Variants in CNN2 observed in about 807,000 individuals in gnomAD.
The protein encoded by CNN2 is calponin 2.
CNN2 carries 21 observed loss-of-function variants against 31.0 expected under a neutral mutation model. The observed-to-expected ratio is 0.68, with a 90% CI of 0.48 to 0.98. The LOEUF is 0.98. CNN2 is among the 50% of genes least tolerant of loss of function. The pLI, the probability that CNN2 is intolerant of heterozygous loss-of-function variation, is 0.00. For missense variants in CNN2, 399 were observed against 427.3 expected (o/e 0.93, Z 0.58); for synonymous variants, 165 against 179.6 (o/e 0.92, Z 0.65).
At chr19:1,032,785 T>G in intron 4 of CNN2, 89 bp downstream of exon 4, 1 of 1,013,056 alleles carries the variant, frequency 9.9e-7, no homozygotes, top group Non-Finnish European at 1.5e-6. Flanking sequence ...AAATTTCTGT[T>G]TGTTTATTTT....
intron 1 of CNN2, among the ~76,000 whole-genome samples, chr19:1,027,467 C>T (rs1034304705): frequency 2.6e-5 from 4 of 152,180 alleles, no homozygotes; most frequent in African/African-American, 7.2e-5. Context: ...TTGAGCCCAG[C>T]GAGTTCGAGA....
intron 1 of CNN2, among the ~76,000 whole-genome samples, chr19:1,029,801 G>C (rs112897882): frequency 7.9e-5 from 12 of 151,670 alleles, no homozygotes; most frequent in Non-Finnish European, 1.6e-4. Flanking sequence ...CTGGGTTCAA[G>C]CGATTCTCCT....
chr19:1,032,848 A>C (rs2039521798), intron 4 of CNN2, 152 bp downstream of exon 4: 2 of 620,990 alleles, frequency 3.2e-6, no homozygotes, highest in Non-Finnish European at 5.7e-6. Context: ...GCGTGATCTC[A>C]GCTCACTGCA....
At chr19:1,032,726 C>A in intron 4 of CNN2, 30 bp downstream of exon 4, 1 of 1,543,540 alleles carries the variant, frequency 6.5e-7, no homozygotes, top group East Asian at 2.3e-5. Context: ...AGCCACCTGC[C>A]CAGAGTCACA....
chr19:1,037,163 C>T (rs1049820940), intron 6 of CNN2: 2 of 189,416 alleles, frequency 1.1e-5, no homozygotes, highest in Admixed American at 1.1e-4. Flanking sequence ...CGGCCACACC[C>T]AGCTAATTTT....
chr19:1,037,538 C>T (rs770664200), intron 6 of CNN2, 87 bp from the exon 7 acceptor site: 431 of 1,523,950 alleles, frequency 2.8e-4, no homozygotes, highest in Non-Finnish European at 3.4e-4. Flanking sequence ...TCCCAAAGTG[C>T]TGGGATTACA....
At chr19:1,030,119 A>G (rs955782499) in intron 1 of CNN2, among the ~76,000 whole-genome samples, 4 of 152,222 alleles carry the variant, frequency 2.6e-5, no homozygotes, top group South Asian at 2.1e-4. Context: ...CGCGGTCACT[A>G]GTGGCTGGAT....
chr19:1,027,727 C>T (rs951500300), intron 1 of CNN2, among the ~76,000 whole-genome samples: 4 of 152,038 alleles, frequency 2.6e-5, no homozygotes, highest in Non-Finnish European at 5.9e-5. Flanking sequence ...GTGTCGTCCC[C>T]GCCCACCCCC....
intron 4 of CNN2, among the ~76,000 whole-genome samples, chr19:1,035,687 T>C (rs544146428): frequency 6.6e-6 from 1 of 151,948 alleles, no homozygotes; most frequent in Non-Finnish European, 1.5e-5. Context: ...CTTTTGGAGG[T>C]TGAGGCGGGT....
At chr19:1,035,901 G>T (rs1250808367) in intron 4 of CNN2, among the ~76,000 whole-genome samples, 1 of 152,066 alleles carries the variant, frequency 6.6e-6, no homozygotes, top group African/African-American at 2.4e-5. Context: ...CAGCCTGGGT[G>T]ACAGAGCCAG....
intron 6 of CNN2, 160 bp downstream of exon 6, chr19:1,036,722 T>A: frequency 1.2e-6 from 1 of 844,366 alleles, no homozygotes; most frequent in Non-Finnish European, 1.9e-6. Flanking sequence ...TGTCTCCGCC[T>A]TGGATTTCAG....
At chr19:1,032,734 A>T in intron 4 of CNN2, 38 bp downstream of exon 4, 2 of 1,510,702 alleles carry the variant, frequency 1.3e-6, no homozygotes, top group Non-Finnish European at 1.8e-6. Context: ...GCCCAGAGTC[A>T]CACAGCGAGG....
rs745916895 is a variant in CNN2, at chr19:1,036,367, C to T, written c.508-49C>T. The stretch of plus-strand genomic sequence containing the variant: ...TGGTCCCTCAATTTCAGGGAGGGAC[C>T]GGAAGCTTGTTGGGTGCAGTCTGAC... On this transcript the variant is annotated intron_variant, in intron 5 of 6. Transcript: ENST00000263097. The T allele has an allele frequency of 4.8e-5, 76 of 1,598,794 alleles. No individual in the cohort carries two copies. The African/African-American group carries it at 6.0e-4, about 13-fold the overall frequency.
At chr19:1,032,165 G>A (rs1228243659) in intron 2 of CNN2, among the ~76,000 whole-genome samples, 1 of 151,724 alleles carries the variant, frequency 6.6e-6, no homozygotes, top group African/African-American at 2.4e-5. Flanking sequence ...AACCCGGGAG[G>A]TGGAGGTGGC....
At chr19:1,035,185 AGC>A (rs2039560402) in intron 4 of CNN2, among the ~76,000 whole-genome samples, 1 of 95,498 alleles carries the variant, frequency 1.0e-5, no homozygotes, top group African/African-American at 3.9e-5. Flanking sequence ...GTAGACGGGG[AGC>A]GTGGGTGGGA....
intron 4 of CNN2, among the ~76,000 whole-genome samples, chr19:1,035,458 A>C (rs142326873): frequency 0.012 from 1,768 of 152,242 alleles, 26 homozygotes; most frequent in Middle Eastern, 0.037. Flanking sequence ...GGGCGCAGAC[A>C]TCCCAGTGAG....
intron 1 of CNN2, among the ~76,000 whole-genome samples, chr19:1,030,238 G>A (rs973330468): frequency 6.6e-6 from 1 of 152,198 alleles, no homozygotes; most frequent in Non-Finnish European, 1.5e-5. Flanking sequence ...TGGAATGGCC[G>A]GGTGCAGAAA....
intron 1 of CNN2, chr19:1,030,817 T>C (rs768900244): frequency 5.0e-5 from 18 of 362,508 alleles, no homozygotes; most frequent in Admixed American, 4.4e-5. Flanking sequence ...TTAGAGCTGA[T>C]GTTTATCAGT....
In CNN2 at chr19:1,036,508, C is replaced by G; in HGVS notation, c.600C>G (p.Pro200=). Residue 200 remains proline, a synonymous_variant, in exon 6 of 7, where the codon CCC becomes CCG. Transcript: ENST00000263097. The part of the protein sequence containing the change: ...LYDPKNHILP[P]MDHSTISLQM... Reference sequence around the variant, plus strand: ...ACCCCAAGAACCATATCCTGCCCCCCATGGACCACTCGACCATCAGCCTCC... The same window carrying G: ...ACCCCAAGAACCATATCCTGCCCCCGATGGACCACTCGACCATCAGCCTCC... The G allele has an allele frequency of 6.2e-7, 1 of 1,613,392 alleles. No individual in the cohort carries two copies. The highest frequency in any genetic ancestry group is 2.2e-5 in the East Asian group (1 of 44,888).
Sources: allele counts gnomAD v4.1 joint callset (sites outside exome capture counted in the v4.1 genomes callset), GRCh38; gene constraint gnomAD v4.1.1; transcripts MANE v1.5; gene names NCBI Gene and HGNC (gene_info 2026-07-23, HGNC 2026-07-21).